Variants in DCC observed in about 807,000 individuals in gnomAD.
DCC encodes netrin receptor DCC.
DCC carries 58 observed loss-of-function variants against 172.5 expected under a neutral mutation model. The observed-to-expected ratio is 0.34, with a 90% CI of 0.27 to 0.42. The LOEUF (loss-of-function observed/expected upper bound fraction) is 0.42, where lower values mean the gene tolerates loss of function less well. Ranked by LOEUF, DCC falls within the 10% of genes least tolerant of loss-of-function variation. The pLI, the probability that DCC is intolerant of heterozygous loss-of-function variation, is 1.00. For missense variants in DCC, 1,740 were observed against 1,791.0 expected (o/e 0.97, Z 0.51); for synonymous variants, 709 against 644.5 (o/e 1.10, Z -1.52).
chr18:52,955,313 T>C (rs1311684461), intron 5 of DCC, among the ~76,000 whole-genome samples: 2 of 152,180 alleles, frequency 1.3e-5, no homozygotes, highest in Non-Finnish European at 2.9e-5. Context: ...TCATACAGTA[T>C]GTAGCCTTTT....
At chr18:53,028,169 A>G (rs1419899447) in intron 5 of DCC, among the ~76,000 whole-genome samples, 2 of 152,156 alleles carry the variant, frequency 1.3e-5, no homozygotes, top group Admixed American at 6.6e-5. Context: ...TTCAACTCAG[A>G]CAAATAATGC....
chr18:52,375,142 A>G (rs1985293002), intron 1 of DCC, among the ~76,000 whole-genome samples: 1 of 152,226 alleles, frequency 6.6e-6, no homozygotes, highest in East Asian at 1.9e-4. Flanking sequence ...TATTAAAAAT[A>G]AACCCAGATT....
chr18:53,438,279 A>G (rs369164802), intron 22 of DCC, among the ~76,000 whole-genome samples: 7 of 152,294 alleles, frequency 4.6e-5, no homozygotes, highest in African/African-American at 1.7e-4. Flanking sequence ...AGAGAAATTA[A>G]CCTATAGGTT....
chr18:53,319,480 TA>T (rs1338429749), intron 13 of DCC, among the ~76,000 whole-genome samples: 1 of 152,166 alleles, frequency 6.6e-6, no homozygotes, highest in Non-Finnish European at 1.5e-5. Context: ...TAATCTCTGA[TA>T]AAACAGACTT....
chr18:52,982,841 A>G (rs1222050956), intron 5 of DCC, among the ~76,000 whole-genome samples: 4 of 152,190 alleles, frequency 2.6e-5, no homozygotes, highest in Non-Finnish European at 1.5e-5. Context: ...TAGGCATCGG[A>G]GAACCACAAA....
At chr18:52,566,750 G>C (rs1241194416) in intron 1 of DCC, among the ~76,000 whole-genome samples, 1 of 151,992 alleles carries the variant, frequency 6.6e-6, no homozygotes, top group East Asian at 1.9e-4. Context: ...AGACTCTTTG[G>C]GGTACAGCAA....
In DCC at chr18:53,138,634, T is replaced by G. The variant is rs115420210; in HGVS notation, c.1262-18722T>G. Among the ~76,000 whole-genome samples, 209 of 152,338 alleles carry G rather than the reference T, an allele frequency of 1.4e-3. 1 individual carries two copies. The highest frequency in any genetic ancestry group is 4.8e-3 in the African/African-American group (200 of 41,584). ...TTAATTTTATCATGTACAAAATACA[T>G]GTTGTTTTGATTTTTCAAAATAACT... On this transcript the variant is annotated intron_variant, in intron 7 of 28. Coordinates refer to ENST00000442544, the MANE Select transcript of DCC (RefSeq NM_005215.4).
At chr18:52,564,673 G>T (rs1195261249) in intron 1 of DCC, among the ~76,000 whole-genome samples, 2 of 143,958 alleles carry the variant, frequency 1.4e-5, no homozygotes, top group East Asian at 4.4e-4. Flanking sequence ...ATATTGGGGG[G>T]GGGGGTGTTA....
At chr18:53,526,196 T>C (rs2046452945) in intron 27 of DCC, among the ~76,000 whole-genome samples, 1 of 152,168 alleles carries the variant, frequency 6.6e-6, no homozygotes, top group Non-Finnish European at 1.5e-5. Flanking sequence ...AGAGCAACCA[T>C]CTCTTCTAAC....
At chr18:53,517,528 TA>T (rs1046475458) in intron 27 of DCC, among the ~76,000 whole-genome samples, 2 of 151,806 alleles carry the variant, frequency 1.3e-5, no homozygotes, top group African/African-American at 4.8e-5. Flanking sequence ...CAAGCAGGTT[TA>T]AAAACTTGAG....
At chr18:53,104,404 C>G (rs2144228626) in intron 7 of DCC, among the ~76,000 whole-genome samples, 1 of 152,060 alleles carries the variant, frequency 6.6e-6, no homozygotes, top group East Asian at 1.9e-4. Flanking sequence ...ATGGGAGTTT[C>G]CCTGCACAAG....
intron 15 of DCC, among the ~76,000 whole-genome samples, chr18:53,351,220 C>T (rs1000581014): frequency 7.1e-6 from 1 of 141,068 alleles, no homozygotes; most frequent in Admixed American, 7.3e-5. Flanking sequence ...TGGAAAAACT[C>T]CATTACAAAA....
At chr18:53,463,068 A>C (rs1338063668) in intron 24 of DCC, among the ~76,000 whole-genome samples, 1 of 152,114 alleles carries the variant, frequency 6.6e-6, no homozygotes, top group Non-Finnish European at 1.5e-5. Flanking sequence ...TTTTGCAGGA[A>C]CCTCCATATT....
At position 52,962,278 on chromosome 18, in the gene DCC, T is replaced by C. The variant is rs1191367645; in HGVS notation, c.985+36908T>C. Among the ~76,000 whole-genome samples, 5 of 151,646 alleles carry C rather than the reference T, an allele frequency of 3.3e-5. No homozygotes were observed. The East Asian group carries it at 9.7e-4, about 29-fold the overall frequency. ...AATTTACAAGAAAAAAACAACCCCA[T>C]CAAAAAGTGGGCAAAGGATATGAAC... is the stretch of plus-strand genomic sequence containing the variant. On this transcript the variant is annotated intron_variant, in intron 5 of 28. Transcript: ENST00000442544.
intron 27 of DCC, among the ~76,000 whole-genome samples, chr18:53,508,338 G>A (rs1357183529): frequency 6.6e-6 from 1 of 152,068 alleles, no homozygotes; most frequent in Non-Finnish European, 1.5e-5. Flanking sequence ...GACTACAGGT[G>A]AGCGACACCT....
At chr18:53,367,046 G>A (rs964707748) in intron 15 of DCC, among the ~76,000 whole-genome samples, 2 of 152,140 alleles carry the variant, frequency 1.3e-5, no homozygotes, top group African/African-American at 4.8e-5. Flanking sequence ...AATAAAATAT[G>A]TTTTTGACAC....
At chr18:53,274,752 C>A (rs1346594932) in intron 12 of DCC, among the ~76,000 whole-genome samples, 1 of 152,090 alleles carries the variant, frequency 6.6e-6, no homozygotes, top group South Asian at 2.1e-4. Context: ...CCTTTTAAAG[C>A]AAGCTGTGTA....
chr18:53,174,608 C>A (rs1259802216), intron 8 of DCC, among the ~76,000 whole-genome samples: 1 of 151,016 alleles, frequency 6.6e-6, no homozygotes, highest in Non-Finnish European at 1.5e-5. Context: ...CACATACACT[C>A]TCCCAAGACT....
chr18:52,582,111 CAT>C (rs1255422107), intron 1 of DCC, among the ~76,000 whole-genome samples: 2 of 152,188 alleles, frequency 1.3e-5, no homozygotes, highest in African/African-American at 2.4e-5. Context: ...TAAATACACA[CAT>C]GTGATTGTGC....
Sources: gnomAD v4.1 joint callset for allele counts (sites outside exome capture counted in the v4.1 genomes callset) on GRCh38, gnomAD v4.1.1 for gene constraint, MANE v1.5 for transcripts, NCBI Gene and HGNC (gene_info 2026-07-23, HGNC 2026-07-21) for gene names.